The following RTN3 variants were observed in gnomAD, a reference collection of about 807,000 sequenced individuals.
The protein encoded by RTN3 is reticulon-3.
RTN3 carries 49 observed loss-of-function variants against 77.8 expected under a neutral mutation model. The ratio of observed to expected loss-of-function variants is 0.63; its 90% CI spans 0.50 to 0.80. RTN3 has a LOEUF of 0.80. RTN3 is among the 30% of genes least tolerant of loss of function. The pLI is 0.00. For synonymous variants in RTN3, 464 were observed against 446.9 expected, an observed-to-expected ratio of 1.04 and a Z score of -0.48; for missense variants, 1,236 against 1,211.9, an observed-to-expected ratio of 1.02 and a Z score of -0.29.
chr11:63,705,813 C>G (rs942470564), intron 2 of RTN3, among the ~76,000 whole-genome samples: 1 of 152,086 alleles, frequency 6.6e-6, no homozygotes, highest in Non-Finnish European at 1.5e-5. Flanking sequence ...TTTAATCTGT[C>G]AGTCTGTAGG....
rs532671990 is a variant in RTN3, at chr11:63,681,727, C to G, written c.91C>G (p.Pro31Ala). The G allele has an allele frequency of 1.2e-6, 2 of 1,609,668 alleles. No individual in the cohort carries two copies. The highest frequency in any genetic ancestry group is 2.2e-5 in the East Asian group (1 of 44,746). Residue 31 changes from proline (P) to alanine (A), a missense_variant, in exon 1 of 9, where the codon CCA (proline) becomes GCA (alanine). Transcript: ENST00000377819. ...GTCCGCGCCCGGCGGCGGCGGGAGC[C>G]CAGGAGCCTGCCCCGCCCTGGGGAC... ...EPSAPGGGGS[P>A]GACPALGTKS...
At position 63,696,761 on chromosome 11, in the gene RTN3, G is replaced by C. The variant is rs563452380; in HGVS notation, c.143-8090G>C. Among the ~76,000 whole-genome samples the C allele has an allele frequency of 9.3e-5, 14 of 151,258 alleles. No individual in the cohort carries two copies. In the South Asian group the frequency reaches 2.7e-3, roughly 29 times the overall value. ...GGGTTTCACCATGGTTGGCCAGGCT[G>C]GTCTCGAACTCCTGACCTCAGGTGA... On this transcript the variant is annotated intron_variant, in intron 1 of 8. Coordinates refer to ENST00000377819, the MANE Select transcript of RTN3 (RefSeq NM_001265589.2).
chr11:63,731,656 T>C (rs982115358), intron 3 of RTN3, among the ~76,000 whole-genome samples: 8 of 152,120 alleles, frequency 5.3e-5, no homozygotes, highest in Admixed American at 3.3e-4. Flanking sequence ...ATTTATTTTT[T>C]ATTTTTTATT....
At chr11:63,706,165 G>A (rs924576260) in intron 2 of RTN3, among the ~76,000 whole-genome samples, 4 of 151,940 alleles carry the variant, frequency 2.6e-5, no homozygotes, top group African/African-American at 9.7e-5. Flanking sequence ...ACATGGTAGG[G>A]AATTTTTTTT....
At chr11:63,745,929 A>T (rs550810145) in intron 3 of RTN3, among the ~76,000 whole-genome samples, 1 of 152,174 alleles carries the variant, frequency 6.6e-6, no homozygotes, top group South Asian at 2.1e-4. Context: ...TCCTGCCTCA[A>T]CCTTCCGAGT....
chr11:63,720,579 T>G lies in RTN3; in HGVS notation c.2077T>G (p.Leu693Val), dbSNP rs1262063364. The change falls in exon 3 of 9, where the codon TTA (leucine) becomes GTA (valine). Residue 693 changes from leucine to valine, a missense_variant. Physicochemically the swap from Leu to Val is conservative, Grantham distance 32 (BLOSUM62 1). Transcript: ENST00000377819. The part of the protein sequence containing the change: ...DFKTTPPVEV[L>V]HENESGGSEI... ...TAAAACAACTCCTCCTGTAGAAGTC[T>G]TACATGAAAATGAGTCCGGTGGTTC... is the stretch of plus-strand genomic sequence containing the variant. 4 of 1,613,916 alleles carry G rather than the reference T, an allele frequency of 2.5e-6. No homozygotes were observed. The highest frequency in any genetic ancestry group is 1.6e-4 in the Middle Eastern group (1 of 6,084).
intron 1 of RTN3, among the ~76,000 whole-genome samples, chr11:63,694,757 C>T (rs1941851631): frequency 6.6e-6 from 1 of 152,210 alleles, no homozygotes; most frequent in Non-Finnish European, 1.5e-5. Flanking sequence ...CGCGCCCAAC[C>T]TTTAACCAAT....
At chr11:63,685,749 CCT>C (rs1941335447) in intron 1 of RTN3, among the ~76,000 whole-genome samples, 2 of 152,096 alleles carry the variant, frequency 1.3e-5, no homozygotes, top group South Asian at 4.1e-4. Flanking sequence ...TCACCAAGCT[CCT>C]CTTGGTTTTG....
intron 2 of RTN3, 34 bp from the exon 3 acceptor site, chr11:63,718,668 T>C (rs774468259): frequency 1.3e-6 from 2 of 1,499,032 alleles, no homozygotes; most frequent in Admixed American, 2.4e-5. Context: ...TTGTACCTGG[T>C]AAACAATTTT....
chr11:63,740,091 C>G (rs2135006578), intron 3 of RTN3, among the ~76,000 whole-genome samples: 1 of 152,278 alleles, frequency 6.6e-6, no homozygotes, highest in East Asian at 1.9e-4. Context: ...CTATGTTGGT[C>G]TGGTCTGCCC....
chr11:63,720,904 C>T lies in RTN3; in HGVS notation c.2402C>T (p.Ser801Phe). ...DILERNVKNGSDLGISQKPIT... is the reference protein window; with the variant it reads ...DILERNVKNGFDLGISQKPIT... ...CTAGAACGTAATGTCAAGAATGGAT[C>T]TGATCTTGGGATTTCCCAGAAGCCC... The change falls in exon 3 of 9, where the codon TCT becomes TTT. Residue 801 changes from serine (S) to phenylalanine (F), a missense_variant. Ser to Phe is a radical substitution (Grantham distance 155, BLOSUM62 -2). Around this residue, in one of 3 missense-constraint regions of RTN3, gnomAD observed 1,056 missense variants for 990.4 expected, o/e 1.07. Coordinates refer to ENST00000377819, the MANE Select transcript of RTN3 (RefSeq NM_001265589.2). 6.2e-7 allele frequency: 1 copy of T among 1,614,070 alleles called. No homozygotes were observed.
chr11:63,689,029 T>C (rs1414908199), intron 1 of RTN3, among the ~76,000 whole-genome samples: 1 of 152,220 alleles, frequency 6.6e-6, no homozygotes, highest in Non-Finnish European at 1.5e-5. Flanking sequence ...TTTTCTAATA[T>C]AAATGTGCAT....
chr11:63,700,708 GTCCT>G (rs1271061745), intron 1 of RTN3, among the ~76,000 whole-genome samples: 1 of 151,768 alleles, frequency 6.6e-6, no homozygotes, highest in East Asian at 1.9e-4. Context: ...GGCTCAAATG[GTCCT>G]TCCACCTCAG....
intron 2 of RTN3, among the ~76,000 whole-genome samples, chr11:63,713,182 C>G (rs990511440): frequency 4.6e-5 from 7 of 152,064 alleles, no homozygotes; most frequent in African/African-American, 1.7e-4. Context: ...GTCTTTGTTT[C>G]AGATAATATA....
chr11:63,729,260 T>A (rs2012505159), intron 3 of RTN3, among the ~76,000 whole-genome samples: 1 of 152,026 alleles, frequency 6.6e-6, no homozygotes, highest in African/African-American at 2.4e-5. Flanking sequence ...TTGGAAGTGG[T>A]AAACACCTGG....
intron 3 of RTN3, among the ~76,000 whole-genome samples, chr11:63,733,454 A>G (rs1040664588): frequency 4.0e-5 from 6 of 151,868 alleles, no homozygotes; most frequent in Admixed American, 2.0e-4. Context: ...GCACCACTGC[A>G]CTCCAGCCTG....
intron 3 of RTN3, among the ~76,000 whole-genome samples, chr11:63,739,355 T>C (rs2013327380): frequency 6.6e-6 from 1 of 152,188 alleles, no homozygotes; most frequent in South Asian, 2.1e-4. Flanking sequence ...TGGCTTTTTA[T>C]TTTTCCAGTA....
chr11:63,708,202 A>G (rs1942588051), intron 2 of RTN3, among the ~76,000 whole-genome samples: 1 of 152,190 alleles, frequency 6.6e-6, no homozygotes, highest in Non-Finnish European at 1.5e-5. Context: ...TGCCACCTGC[A>G]TGCACTTTGA....
rs551126489 is a variant in RTN3 at position 63,754,905 on chromosome 11, G to A, written c.2994+1197G>A. Among the ~76,000 whole-genome samples, 9 of 120,730 alleles carry A rather than the reference G, an allele frequency of 7.5e-5. No individual in the cohort carries two copies. The East Asian group carries it at 2.3e-3, about 31-fold the overall frequency. The allele number at this position is 120,730 out of a possible 152,430, so 79.2% of individuals were successfully genotyped here. A position where few individuals can be genotyped will look rare whatever the true frequency, so the allele number is the denominator to read the frequency against. ...ATCGCGCCACTGCATTCCAGCCTGG[G>A]CGACAGGGAGACTCTGTCTCAAAAA... On this transcript the variant is annotated intron_variant, in intron 7 of 8. Coordinates refer to ENST00000377819, the MANE Select transcript of RTN3 (RefSeq NM_001265589.2).
Sources: allele counts gnomAD v4.1 joint callset (sites outside exome capture counted in the v4.1 genomes callset), GRCh38; gene constraint gnomAD v4.1.1; regional missense constraint gnomAD v4.1.1; transcripts MANE v1.5; gene names NCBI Gene and HGNC (gene_info 2026-07-23, HGNC 2026-07-21).